The following ETS1 variants were observed in gnomAD, a reference collection of about 807,000 sequenced individuals.
ETS1 encodes ETS proto-oncogene 1, transcription factor, also known as protein C-ets-1.
Under a neutral mutation model 58.6 loss-of-function variants are expected in ETS1, and 15 were observed. That is an observed-to-expected ratio of 0.26 (90% CI 0.17 to 0.39). The LOEUF (loss-of-function observed/expected upper bound fraction) is 0.39, where lower values mean the gene tolerates loss of function less well. ETS1 is among the 10% of genes least tolerant of loss of function. ETS1 has a pLI of 1.00. For missense variants in ETS1, 417 were observed against 610.5 expected (o/e 0.68, Z 3.34); for synonymous variants, 214 against 218.2 (o/e 0.98, Z 0.17).
intron 3 of ETS1, among the ~76,000 whole-genome samples, chr11:128,513,449 G>A (rs1007408033): frequency 3.9e-5 from 6 of 152,148 alleles, no homozygotes; most frequent in African/African-American, 9.7e-5. Flanking sequence ...CAACACTCCC[G>A]ACTCTCCAGC....
intron 3 of ETS1, among the ~76,000 whole-genome samples, chr11:128,535,477 T>A (rs1218829853): frequency 6.6e-6 from 1 of 152,224 alleles, no homozygotes; most frequent in East Asian, 1.9e-4. Context: ...TTGCTTTTGA[T>A]GTTTTTGTCA....
chr11:128,584,184 TTCTTCAAAG>T (rs1364517897), intron 1 of ETS1, among the ~76,000 whole-genome samples: 1 of 152,218 alleles, frequency 6.6e-6, no homozygotes, highest in Non-Finnish European at 1.5e-5. Context: ...TGGGTAGTCT[TTCTTCAAAG>T]TCAGTATCTT....
intron 3 of ETS1, among the ~76,000 whole-genome samples, chr11:128,501,584 G>C (rs903749367): frequency 5.3e-5 from 8 of 152,202 alleles, no homozygotes; most frequent in Admixed American, 1.3e-4. Flanking sequence ...TGCACTAAGT[G>C]TGCTTTCTGT....
At chr11:128,581,879 A>C (rs12801735) in intron 1 of ETS1, among the ~76,000 whole-genome samples, 2 of 152,210 alleles carry the variant, frequency 1.3e-5, no homozygotes, top group Non-Finnish European at 2.9e-5. Context: ...TATTACAAGA[A>C]CAATGAGAGG....
chr11:128,522,210 G>A (rs1434846142), intron 3 of ETS1: 1 of 1,234,732 alleles, frequency 8.1e-7, no homozygotes, highest in Non-Finnish European at 1.0e-6. Flanking sequence ...AAGTGAGCGC[G>A]CTCGGGTCCC....
chr11:128,468,596 A>G (rs140922066), intron 8 of ETS1, among the ~76,000 whole-genome samples: 1 of 152,076 alleles, frequency 6.6e-6, no homozygotes, highest in Non-Finnish European at 1.5e-5. Flanking sequence ...CACTCTTGTC[A>G]CCTGTGCTCT....
chr11:128,520,454 G>A (rs1270461453), intron 3 of ETS1, among the ~76,000 whole-genome samples: 1 of 152,206 alleles, frequency 6.6e-6, no homozygotes, highest in African/African-American at 2.4e-5. Context: ...CCTATTAGTT[G>A]AGTTTATATC....
At chr11:128,527,543 T>C (rs1303342337) in intron 3 of ETS1, 1 of 153,742 alleles carries the variant, frequency 6.5e-6, no homozygotes, top group African/African-American at 2.4e-5. Flanking sequence ...GGCTACTCTG[T>C]GAGCCTTTGG....
At chr11:128,487,254 A>G (rs1302961681) in intron 5 of ETS1, among the ~76,000 whole-genome samples, 1 of 152,322 alleles carries the variant, frequency 6.6e-6, no homozygotes, top group Admixed American at 6.5e-5. Flanking sequence ...GCCTCTCTCA[A>G]CAGAATATTG....
chr11:128,464,866 CGTT>C lies in ETS1; in HGVS notation c.1124-1242_1124-1240del, dbSNP rs1338499276. ...TTCTACAAGACATTTTCACATGCATCGTTGTGCTTGCTCCTAAAATCCACACCC... is the reference window on the plus strand; with the variant it reads ...TTCTACAAGACATTTTCACATGCATCGTGCTTGCTCCTAAAATCCACACCC... On this transcript the variant is annotated intron_variant, in intron 8 of 9. Coordinates refer to ENST00000392668, the MANE Select transcript of ETS1 (RefSeq NM_001143820.2). This position sits in a 1 kb window ranked among gnomAD's most constrained non-coding sequence, Gnocchi z 4.1. Among the ~76,000 whole-genome samples the C allele has an allele frequency of 1.3e-5, 2 of 152,168 alleles. No individual in the cohort carries two copies. Among genetic ancestry groups the C allele is most frequent in the East Asian group, 3.8e-4 (2 of 5,196 alleles).
chr11:128,504,573 G>C (rs923011566), intron 3 of ETS1, among the ~76,000 whole-genome samples: 1 of 152,210 alleles, frequency 6.6e-6, no homozygotes, highest in Admixed American at 6.5e-5. Flanking sequence ...ATTAGAAGAC[G>C]CTTTCGATGT....
chr11:128,508,955 T>C (rs572933080), intron 3 of ETS1, among the ~76,000 whole-genome samples: 1 of 152,330 alleles, frequency 6.6e-6, no homozygotes, highest in East Asian at 1.9e-4. Context: ...TCTTTGCTCA[T>C]CACTCTCTGC....
Position 128,485,010 on chromosome 11 carries a change from G to A in ETS1, c.675C>T (p.Ile225=). 1 of 1,613,958 alleles carries A rather than the reference G, an allele frequency of 6.2e-7. No individual in the cohort carries two copies. The highest frequency in any genetic ancestry group is 8.5e-7 in the Non-Finnish European group (1 of 1,179,850). ...PPSEFSEPSF[I]TESYQTLHPI... ...GATGGAGCGTCTGATAGGACTCTGT[G>A]ATGAAGCTGGGCTCTGAGAACTCCG... The change falls in exon 7 of 10, where the codon ATC becomes ATT. Residue 225 remains isoleucine (I), a synonymous_variant. Coordinates refer to ENST00000392668, the MANE Select transcript of ETS1 (RefSeq NM_001143820.2).
chr11:128,489,988 G>A (rs968627029), intron 4 of ETS1, among the ~76,000 whole-genome samples: 14 of 152,182 alleles, frequency 9.2e-5, no homozygotes, highest in African/African-American at 3.4e-4. Flanking sequence ...TCATTCAAAT[G>A]GCACTTGGTA....
rs1272471993 is a variant in ETS1 at position 128,549,029 on chromosome 11, G to C, written c.214+7262C>G. On this transcript the variant is annotated intron_variant, in intron 3 of 9. Coordinates refer to ENST00000392668, the MANE Select transcript of ETS1 (RefSeq NM_001143820.2). This position sits in a 1 kb window ranked among gnomAD's most constrained non-coding sequence, Gnocchi z 4.3. ...GGAAGGCGGGGTGGGGTTAGGGACC[G>C]GGAGGCTGGGGGAGGGGAGCGGGCC... Among the ~76,000 whole-genome samples, 1 of 152,062 alleles carries C rather than the reference G, an allele frequency of 6.6e-6. No individual in the cohort carries two copies.
intron 7 of ETS1, 122 bp downstream of exon 7, chr11:128,484,701 G>C (rs1478373464): frequency 2.3e-6 from 2 of 851,254 alleles, no homozygotes; most frequent in African/African-American, 3.4e-5. Context: ...AGATGGGAAG[G>C]CTGAAACTGA....
intron 3 of ETS1, among the ~76,000 whole-genome samples, chr11:128,501,879 G>A (rs937837398): frequency 1.3e-5 from 2 of 152,166 alleles, no homozygotes; most frequent in Admixed American, 1.3e-4. Context: ...CCCACTTGTG[G>A]AGCCAGTTCT....
At position 128,486,225 on chromosome 11, in the gene ETS1, G is replaced by A. The variant is rs963458311; in HGVS notation, c.536-79C>T. On this transcript the variant is annotated intron_variant, in intron 5 of 9. Coordinates refer to ENST00000392668, the MANE Select transcript of ETS1 (RefSeq NM_001143820.2). ...GGCCTAAAAGGATCTTGGATGCAAAGACCACAATGATCTCAACCCCTTTTC... is the reference window on the plus strand; with the variant it reads ...GGCCTAAAAGGATCTTGGATGCAAAAACCACAATGATCTCAACCCCTTTTC... 205 of 855,046 alleles carry A rather than the reference G, an allele frequency of 2.4e-4. 1 individual carries two copies. Among genetic ancestry groups the A allele is most frequent in the Non-Finnish European group, 4.5e-5 (23 of 507,910 alleles). The allele number at this position is 855,046 out of a possible 1,614,324, so 53.0% of individuals were successfully genotyped here.
chr11:128,573,022 A>T, intron 2 of ETS1, 40 bp downstream of exon 2: 1 of 1,535,498 alleles, frequency 6.5e-7, no homozygotes, highest in Non-Finnish European at 8.9e-7. Flanking sequence ...AGGGGAGAAG[A>T]TTGTGTGGGC....
Sources: allele counts gnomAD v4.1 joint callset (sites outside exome capture counted in the v4.1 genomes callset), GRCh38; gene constraint gnomAD v4.1.1; non-coding constraint Gnocchi (gnomAD v3.1); transcripts MANE v1.5; gene names NCBI Gene and HGNC (gene_info 2026-07-23, HGNC 2026-07-21).